The following ANK3 variants were observed in gnomAD, a reference collection of about 807,000 sequenced individuals.
ANK3 encodes the protein ankyrin-3.
ANK3 carries 57 observed loss-of-function variants against 370.9 expected under a neutral mutation model. That is an observed-to-expected ratio of 0.15 (90% CI 0.12 to 0.19). The LOEUF is 0.19. Among genes scored for constraint, ANK3 ranks in the 10% least tolerant of loss-of-function variants. ANK3 has a pLI of 1.00. For missense variants in ANK3, 4,439 were observed against 5,302.1 expected, an observed-to-expected ratio of 0.84 and a Z score of 5.06; for synonymous variants, 1,929 against 1,946.3, an observed-to-expected ratio of 0.99 and a Z score of 0.23.
chr10:60,643,567 C>A lies in ANK3; in HGVS notation c.58-28343G>T, dbSNP rs893618218. Among the ~76,000 whole-genome samples, 11 of 150,728 alleles carry A rather than the reference C, an allele frequency of 7.3e-5. No individual in the cohort carries two copies. The East Asian group carries it at 1.4e-3, about 19-fold the overall frequency. On this transcript the variant is annotated intron_variant, in intron 1 of 43. Coordinates refer to the ANK3 transcript ENST00000373827. ...ATCCATCCATCCTATTAGCTCTGTA[C>A]TTCTAGAGAACCCTAATACACAGAC...
chr10:60,380,378 A>T (rs147423709), intron 1 of ANK3, among the ~76,000 whole-genome samples: 23 of 152,272 alleles, frequency 1.5e-4, no homozygotes, highest in African/African-American at 5.1e-4. Flanking sequence ...TCTCAGTGTG[A>T]CATAGAGGCA....
chr10:60,131,016 T>A (rs7100448), intron 25 of ANK3, among the ~76,000 whole-genome samples: 43,453 of 152,120 alleles, frequency 0.29, 6,903 homozygotes, highest in African/African-American at 0.42. Context: ...TTTATCCACA[T>A]GCATTTTGGC....
intron 2 of ANK3, among the ~76,000 whole-genome samples, chr10:60,578,102 G>C (rs771016319): frequency 2.6e-5 from 4 of 152,108 alleles, no homozygotes; most frequent in Non-Finnish European, 5.9e-5. Flanking sequence ...ACAATGCATT[G>C]AACACTTCAA....
At chr10:60,517,385 GA>G (rs2076245423) in intron 2 of ANK3, among the ~76,000 whole-genome samples, 1 of 152,044 alleles carries the variant, frequency 6.6e-6, no homozygotes, top group South Asian at 2.1e-4. Context: ...TCTTAGCTAT[GA>G]AACTGGTAGG....
chr10:60,587,250 T>C (rs1387826891), intron 2 of ANK3, among the ~76,000 whole-genome samples: 1 of 152,022 alleles, frequency 6.6e-6, no homozygotes, highest in African/African-American at 2.4e-5. Flanking sequence ...TCCCGCCAGG[T>C]TTCTCCCTAA....
intron 16 of ANK3, among the ~76,000 whole-genome samples, chr10:60,192,018 C>T (rs1047462259): frequency 6.6e-6 from 1 of 152,040 alleles, no homozygotes; most frequent in Non-Finnish European, 1.5e-5. Flanking sequence ...CAGTGATTCT[C>T]CTGCCTCAGC....
chr10:60,577,285 G>A (rs551727978), intron 2 of ANK3, among the ~76,000 whole-genome samples: 1 of 152,122 alleles, frequency 6.6e-6, no homozygotes, highest in Non-Finnish European at 1.5e-5. Flanking sequence ...CTCAAGTGAT[G>A]TTCCTGGGGC....
At chr10:60,216,350 A>G (rs1389019151) in intron 8 of ANK3, among the ~76,000 whole-genome samples, 1 of 152,154 alleles carries the variant, frequency 6.6e-6, no homozygotes, top group Non-Finnish European at 1.5e-5. Context: ...CCAGTTTTCA[A>G]AGGGAATGCT....
intron 2 of ANK3, among the ~76,000 whole-genome samples, chr10:60,411,926 G>A (rs1279103318): frequency 1.3e-5 from 2 of 152,134 alleles, no homozygotes; most frequent in Admixed American, 6.5e-5. Context: ...ATTAATCCCA[G>A]CTGCATACTG....
chr10:60,634,519 G>A (rs1030887534), intron 1 of ANK3, among the ~76,000 whole-genome samples: 4 of 152,010 alleles, frequency 2.6e-5, no homozygotes, highest in African/African-American at 9.7e-5. Context: ...GGAACAATTG[G>A]CACTCTGTAA....
intron 8 of ANK3, among the ~76,000 whole-genome samples, chr10:60,227,486 T>C (rs2097180917): frequency 6.6e-6 from 1 of 152,164 alleles, no homozygotes; most frequent in Non-Finnish European, 1.5e-5. Flanking sequence ...AATTTGGAAG[T>C]AAATATAAAC....
At chr10:60,447,960 T>A (rs1417905076) in intron 2 of ANK3, among the ~76,000 whole-genome samples, 1 of 152,194 alleles carries the variant, frequency 6.6e-6, no homozygotes, top group Non-Finnish European at 1.5e-5. Context: ...ATAGGGACCC[T>A]TAAAATGATT....
At position 60,071,489 on chromosome 10, in the gene ANK3, G is replaced by T; in HGVS notation, c.9392C>A (p.Thr3131Asn). 6.2e-7 allele frequency: 1 copy of T among 1,613,856 alleles called. No homozygotes were observed. The highest frequency in any genetic ancestry group is 8.5e-7 in the Non-Finnish European group (1 of 1,179,910). The stretch of plus-strand genomic sequence containing the variant: ...CTTTTGCTGTCTAGTTGTATAAAAG[G>T]TCCCCCTGGTTTCTTGTACTGTCTT... ...ECKTVQETRG[T>N]FYTTRQQKQP... The change falls in exon 37 of 44, where the codon ACC becomes AAC. Residue 3131 changes from threonine (T) to asparagine (N), a missense_variant. By Grantham distance (65) the Thr-to-Asn change is moderately conservative. This residue lies in a region of ANK3 where 1,601 missense variants were observed against 1,731.7 expected (regional missense o/e 0.92). Coordinates refer to ENST00000280772, the MANE Select transcript of ANK3 (RefSeq NM_020987.5).
At chr10:60,469,907 T>G (rs2065174123) in intron 2 of ANK3, among the ~76,000 whole-genome samples, 1 of 151,774 alleles carries the variant, frequency 6.6e-6, no homozygotes. Context: ...TATGGAACTG[T>G]GGTCTCATGG....
chr10:60,372,165 G>A (rs1281093587), intron 1 of ANK3, among the ~76,000 whole-genome samples: 2 of 152,124 alleles, frequency 1.3e-5, no homozygotes, highest in African/African-American at 4.8e-5. Context: ...AAAAGTTAAA[G>A]AGGAAGAAAA....
intron 1 of ANK3, among the ~76,000 whole-genome samples, chr10:60,313,684 A>G (rs1394213618): frequency 6.6e-6 from 1 of 152,238 alleles, no homozygotes; most frequent in Admixed American, 6.5e-5. Flanking sequence ...CATTAAACTC[A>G]GCTACCCTAA....
intron 7 of ANK3, among the ~76,000 whole-genome samples, chr10:60,244,458 G>T (rs993884326): frequency 6.6e-6 from 1 of 152,144 alleles, no homozygotes; most frequent in African/African-American, 2.4e-5. Flanking sequence ...AATAAAAGTT[G>T]AGATGGAATC....
intron 33 of ANK3, among the ~76,000 whole-genome samples, chr10:60,082,962 T>G (rs2085659016): frequency 6.6e-6 from 1 of 152,222 alleles, no homozygotes; most frequent in Admixed American, 6.5e-5. Flanking sequence ...TCTGATGATC[T>G]AATCCTGACA....
chr10:60,583,830 T>C (rs1161321456), intron 2 of ANK3, among the ~76,000 whole-genome samples: 2 of 152,106 alleles, frequency 1.3e-5, no homozygotes, highest in Admixed American at 6.5e-5. Flanking sequence ...GTGATCCACC[T>C]GCCTTGACCT....
Sources: allele counts gnomAD v4.1 joint callset (sites outside exome capture counted in the v4.1 genomes callset), GRCh38; gene constraint gnomAD v4.1.1; regional missense constraint gnomAD v4.1.1; transcripts MANE v1.5; gene names NCBI Gene and HGNC (gene_info 2026-07-23, HGNC 2026-07-21).